The following SAMHD1 variants were observed in gnomAD, a reference collection of about 807,000 sequenced individuals.
The protein encoded by SAMHD1 is deoxynucleoside triphosphate triphosphohydrolase SAMHD1.
Under a neutral mutation model 79.6 loss-of-function variants are expected in SAMHD1, and 54 were observed. The observed-to-expected ratio is 0.68, with a 90% CI of 0.55 to 0.85. SAMHD1 has a LOEUF of 0.85. SAMHD1 is among the 40% of genes least tolerant of loss of function. The pLI is 0.00. For missense variants in SAMHD1, 663 were observed against 782.7 expected (o/e 0.85, Z 1.82); for synonymous variants, 260 against 264.1 (o/e 0.98, Z 0.15).
intron 3 of SAMHD1, 60 bp downstream of exon 3, chr20:36,940,979 T>G (rs2063639805): frequency 7.9e-7 from 1 of 1,268,670 alleles, no homozygotes. Flanking sequence ...AAATGAATTT[T>G]ACATAATTGA....
At chr20:36,942,482 G>A (rs2063652794) in intron 2 of SAMHD1, among the ~76,000 whole-genome samples, 1 of 152,000 alleles carries the variant, frequency 6.6e-6, no homozygotes, top group Non-Finnish European at 1.5e-5. Context: ...CAAAACCAGG[G>A]GGTTGTTTTG....
At chr20:36,925,111 G>A (rs1238560346) in intron 6 of SAMHD1, among the ~76,000 whole-genome samples, 1 of 145,372 alleles carries the variant, frequency 6.9e-6, no homozygotes. Context: ...AGCCAAGATC[G>A]CACCACTGCA....
intron 6 of SAMHD1, among the ~76,000 whole-genome samples, chr20:36,924,639 A>G (rs181991937): frequency 6.6e-6 from 1 of 152,282 alleles, no homozygotes; most frequent in East Asian, 1.9e-4. Flanking sequence ...TATTTAGCTC[A>G]AGGGGGCGTG....
At chr20:36,944,581 G>GA (rs1451069992) in intron 2 of SAMHD1, among the ~76,000 whole-genome samples, 1 of 152,140 alleles carries the variant, frequency 6.6e-6, no homozygotes, top group Non-Finnish European at 1.5e-5. Flanking sequence ...TTTTCTAACA[G>GA]AAACAAAATC....
chr20:36,919,524 G>A lies in SAMHD1; in HGVS notation c.697-5C>T, dbSNP rs780562967. On this transcript the variant is annotated splice_polypyrimidine_tract_variant and splice_region_variant and intron_variant, in intron 6 of 15. Transcript: ENST00000646673. ...CATAACTGAGCCTTGTTCATGCTAG[G>A]AAAAGTAAGCACAATATGATGTGTT... The A allele has an allele frequency of 1.2e-6, 2 of 1,612,958 alleles. No homozygotes were observed. Among genetic ancestry groups the A allele is most frequent in the Non-Finnish European group, 1.7e-6 (2 of 1,179,706 alleles).
intron 1 of SAMHD1, among the ~76,000 whole-genome samples, chr20:36,947,654 C>T (rs1022722767): frequency 6.6e-6 from 1 of 151,116 alleles, no homozygotes; most frequent in Non-Finnish European, 1.5e-5. Flanking sequence ...CCTCAAATTC[C>T]AGAACTCTGG....
intron 1 of SAMHD1, among the ~76,000 whole-genome samples, chr20:36,950,877 A>T (rs1568787971): frequency 6.6e-6 from 1 of 152,174 alleles, no homozygotes; most frequent in Non-Finnish European, 1.5e-5. Context: ...TTCAGGGAGG[A>T]AACCGAAACC....
At chr20:36,927,789 T>G (rs6016783) in intron 5 of SAMHD1, among the ~76,000 whole-genome samples, 78,703 of 151,966 alleles carry the variant, frequency 0.52, 22,365 homozygotes, top group African/African-American at 0.76. Flanking sequence ...AGTCACCAGG[T>G]TTTACATAAA....
intron 4 of SAMHD1, among the ~76,000 whole-genome samples, chr20:36,933,061 G>A (rs1015222897): frequency 6.6e-6 from 1 of 152,154 alleles, no homozygotes; most frequent in African/African-American, 2.4e-5. Context: ...TGAGGACAGA[G>A]GCGATTGTTA....
Position 36,930,766 on chromosome 20 carries a change from C to G in SAMHD1, c.619G>C (p.Asp207His). The G allele has an allele frequency of 6.2e-7, 1 of 1,608,796 alleles. No homozygotes were observed. Among genetic ancestry groups the G allele is most frequent in the Non-Finnish European group, 8.5e-7 (1 of 1,175,356 alleles). ...LCVQIAGLCHDLGHGPFSHMF... is the reference protein window; with the variant it reads ...LCVQIAGLCHHLGHGPFSHMF... ...GTCTCTTTGTACAGCTTACCGAGAT[C>G]ATGACAAAGTCCAGCAATCTGAACA... Residue 207 changes from aspartate to histidine, a missense_variant, in exon 5 of 16, where the codon GAT becomes CAT. Coordinates refer to ENST00000646673, the MANE Select transcript of SAMHD1 (RefSeq NM_015474.4).
intron 15 of SAMHD1, among the ~76,000 whole-genome samples, chr20:36,896,485 T>C (rs1389772565): frequency 6.6e-6 from 1 of 152,126 alleles, no homozygotes; most frequent in Admixed American, 6.6e-5. Context: ...TAGCCAATTA[T>C]CCAAGGTTCT....
chr20:36,921,388 G>C (rs1468007442), intron 6 of SAMHD1, among the ~76,000 whole-genome samples: 1 of 60,482 alleles, frequency 1.7e-5, no homozygotes, highest in African/African-American at 9.2e-5. Flanking sequence ...GCGAGACTCT[G>C]TCTCAAAAAA....
intron 4 of SAMHD1, among the ~76,000 whole-genome samples, chr20:36,932,836 T>C (rs1305242522): frequency 6.6e-6 from 1 of 152,208 alleles, no homozygotes; most frequent in Non-Finnish European, 1.5e-5. Context: ...GGTTGCACAA[T>C]GTGAATGCAT....
chr20:36,906,725 T>C (rs2063407204), intron 11 of SAMHD1, among the ~76,000 whole-genome samples: 1 of 152,202 alleles, frequency 6.6e-6, no homozygotes, highest in South Asian at 2.1e-4. Context: ...AAATAAAATA[T>C]CCTTCACTTA....
intron 2 of SAMHD1, chr20:36,946,425 AAC>A (rs1568785208): frequency 5.0e-5 from 14 of 281,780 alleles, no homozygotes; most frequent in Admixed American, 9.9e-5. Context: ...AAAAAAAAAA[AAC>A]CGAAAAAAAA....
intron 4 of SAMHD1, among the ~76,000 whole-genome samples, chr20:36,933,066 T>C (rs6130139): frequency 0.22 from 33,398 of 152,082 alleles, 4,398 homozygotes; most frequent in East Asian, 0.46. Context: ...ACAGAGGCGA[T>C]TGTTATCTTT....
chr20:36,906,423 G>A (rs942258842), intron 11 of SAMHD1, among the ~76,000 whole-genome samples: 70 of 152,350 alleles, frequency 4.6e-4, no homozygotes, highest in Non-Finnish European at 1.0e-4. Context: ...GGGTGACAGA[G>A]TGACACTATC....
intron 13 of SAMHD1, among the ~76,000 whole-genome samples, chr20:36,899,381 T>C (rs1401330604): frequency 6.6e-6 from 1 of 151,974 alleles, no homozygotes; most frequent in Non-Finnish European, 1.5e-5. Context: ...TGAGTTGAGA[T>C]TGCGCCACTG....
At chr20:36,916,495 A>G in intron 9 of SAMHD1, 2 of 465,668 alleles carry the variant, frequency 4.3e-6, no homozygotes, top group East Asian at 4.2e-5. Flanking sequence ...AACCAAACAA[A>G]AAAACCCCAA....
Sources: allele counts gnomAD v4.1 joint callset (sites outside exome capture counted in the v4.1 genomes callset), GRCh38; gene constraint gnomAD v4.1.1; transcripts MANE v1.5; gene names NCBI Gene and HGNC (gene_info 2026-07-23, HGNC 2026-07-21).